OR1J2: variants seen among roughly 807,000 people sequenced by gnomAD.
The protein encoded by OR1J2 is olfactory receptor family 1 subfamily J member 2, also known as olfactory receptor 1J2.
For synonymous variants in OR1J2, 142 were observed against 99.7 expected (o/e 1.42, Z -2.52); for missense variants, 304 against 246.1 (o/e 1.24, Z -1.57).
At chr9:122,545,548 A>G in the OR1J2 span, among the ~76,000 whole-genome samples, 2 of 152,102 alleles carry the variant, frequency 1.3e-5, no homozygotes, top group Non-Finnish European at 2.9e-5. Flanking sequence ...TGAGTCGATC[A>G]TATTATTATT....
the OR1J2 span, among the ~76,000 whole-genome samples, chr9:122,504,539 CT>C: frequency 1.3e-5 from 2 of 151,988 alleles, no homozygotes; most frequent in African/African-American, 4.8e-5. Flanking sequence ...AAATGCTGTG[CT>C]TTTTTCTCAG....
the OR1J2 span, among the ~76,000 whole-genome samples, chr9:122,458,020 T>G: frequency 6.6e-5 from 10 of 152,292 alleles, no homozygotes; most frequent in East Asian, 1.7e-3. Flanking sequence ...AATATTTTTG[T>G]TTTTCTTCAT....
At chr9:122,489,737 A>G in the OR1J2 span, among the ~76,000 whole-genome samples, 3 of 152,176 alleles carry the variant, frequency 2.0e-5, no homozygotes, top group Non-Finnish European at 4.4e-5. Context: ...TCCACGTTCA[A>G]TTGAGTTCAA....
chr9:122,481,846 T>C, the OR1J2 span, among the ~76,000 whole-genome samples: 1 of 152,154 alleles, frequency 6.6e-6, no homozygotes, highest in Non-Finnish European at 1.5e-5. Flanking sequence ...TCCTTTATCA[T>C]ATATAAAAAT....
At chr9:122,580,036 C>G in the OR1J2 span, among the ~76,000 whole-genome samples, 1 of 152,156 alleles carries the variant, frequency 6.6e-6, no homozygotes, top group East Asian at 1.9e-4. Flanking sequence ...TATCAGGAAT[C>G]AGCATCAAAA....
chr9:122,567,731 C>T, the OR1J2 span: 1 of 1,614,000 alleles, frequency 6.2e-7, no homozygotes, highest in Non-Finnish European at 8.5e-7. Context: ...AAAAGAGCGT[C>T]ACCACGGTGA....
At chr9:122,490,906 G>T in the OR1J2 span, among the ~76,000 whole-genome samples, 1 of 152,176 alleles carries the variant, frequency 6.6e-6, no homozygotes, top group African/African-American at 2.4e-5. Context: ...ATGAGCATGT[G>T]TTTGCAGTGG....
chr9:122,568,461 T>A, the OR1J2 span: 1 of 1,577,708 alleles, frequency 6.3e-7, no homozygotes, highest in Admixed American at 1.9e-5. Flanking sequence ...ACTGCTGGTG[T>A]GGTTGATTCT....
At chr9:122,547,620 A>AGTGTGTGTGTGTGTGTGTGTGTGT in the OR1J2 span, among the ~76,000 whole-genome samples, 1 of 142,902 alleles carries the variant, frequency 7.0e-6, no homozygotes, top group African/African-American at 2.6e-5. Context: ...GTAGTAGTTC[A>AGTGTGTGTGTGTGTGTGTGTGTGT]GTGTGTGTGT....
the OR1J2 span, among the ~76,000 whole-genome samples, chr9:122,552,057 ACTCTCTCT>A: frequency 7.6e-5 from 11 of 144,172 alleles, no homozygotes; most frequent in East Asian, 6.0e-4. Flanking sequence ...ACACACATAC[ACTCTCTCT>A]CTCTCTCTCT....
chr9:122,578,961 AAAAT>A, the OR1J2 span, among the ~76,000 whole-genome samples: 1 of 125,594 alleles, frequency 8.0e-6, no homozygotes. Flanking sequence ...AAAATTCTGA[AAAAT>A]AAATCTCAGA....
At chr9:122,575,535 T>C in the OR1J2 span, among the ~76,000 whole-genome samples, 1 of 152,168 alleles carries the variant, frequency 6.6e-6, no homozygotes, top group Non-Finnish European at 1.5e-5. Context: ...ATGAGATCTG[T>C]AGTGATGTTC....
At chr9:122,544,178 A>C in the OR1J2 span, among the ~76,000 whole-genome samples, 4 of 151,950 alleles carry the variant, frequency 2.6e-5, no homozygotes, top group Admixed American at 2.6e-4. Context: ...TACTTAGATT[A>C]AAATTTTTTT....
the OR1J2 span, among the ~76,000 whole-genome samples, chr9:122,533,823 C>G: frequency 1.3e-5 from 2 of 152,078 alleles, no homozygotes; most frequent in Non-Finnish European, 2.9e-5. Context: ...TTACCCTCCA[C>G]TCTGAGAGTT....
chr9:122,514,118 T>C (rs1315958539), downstream of OR1J2, among the ~76,000 whole-genome samples: 1 of 152,222 alleles, frequency 6.6e-6, no homozygotes, highest in African/African-American at 2.4e-5. Flanking sequence ...GAATAAGTCA[T>C]TTTTCATTTT....
At chr9:122,517,173 T>C in the OR1J2 span, among the ~76,000 whole-genome samples, 1 of 152,128 alleles carries the variant, frequency 6.6e-6, no homozygotes, top group South Asian at 2.1e-4. Context: ...CTCACAAATA[T>C]GAAGATATGA....
chr9:122,536,123 C>CTT, the OR1J2 span, among the ~76,000 whole-genome samples: 3 of 152,144 alleles, frequency 2.0e-5, no homozygotes, highest in Non-Finnish European at 4.4e-5. Context: ...GATATGATGG[C>CTT]TTAGCTTGGG....
chr9:122,454,088 G>A, the OR1J2 span, among the ~76,000 whole-genome samples: 20 of 152,344 alleles, frequency 1.3e-4, no homozygotes, highest in Middle Eastern at 3.4e-3. Context: ...GGTAATTGTT[G>A]CCATGTGGCT....
At chr9:122,556,865 A>C in the OR1J2 span, among the ~76,000 whole-genome samples, 1 of 152,148 alleles carries the variant, frequency 6.6e-6, no homozygotes, top group Non-Finnish European at 1.5e-5. Flanking sequence ...GATAACATTG[A>C]GTTTTCCTAT....
Sources: gnomAD v4.1 joint callset for allele counts (sites outside exome capture counted in the v4.1 genomes callset) on GRCh38, gnomAD v4.1.1 for gene constraint, MANE v1.5 for transcripts, NCBI Gene and HGNC (gene_info 2026-07-23, HGNC 2026-07-21) for gene names.